FCSK: variants seen among roughly 807,000 people sequenced by gnomAD.
FCSK encodes the protein L-fucose kinase.
Under a neutral mutation model 122.5 loss-of-function variants are expected in FCSK, and 123 were observed. The ratio of observed to expected loss-of-function variants is 1.00; its 90% CI spans 0.87 to 1.17. The LOEUF is 1.17. Among genes scored for constraint, FCSK ranks in the 50% most tolerant of loss-of-function variants. The pLI, the probability that FCSK is intolerant of heterozygous loss-of-function variation, is 0.00. For synonymous variants in FCSK, 620 were observed against 625.5 expected, an observed-to-expected ratio of 0.99 and a Z score of 0.13; for missense variants, 1,366 against 1,450.4, an observed-to-expected ratio of 0.94 and a Z score of 0.95.
intron 1 of FCSK, among the ~76,000 whole-genome samples, chr16:70,457,752 G>A (rs62049035): frequency 0.038 from 5,585 of 145,464 alleles, 152 homozygotes; most frequent in Non-Finnish European, 0.059. Context: ...TTTTGTATGT[G>A]TGTGGTTTTT....
In FCSK at chr16:70,479,803, C is replaced by G; in HGVS notation, c.*123C>G. On this transcript the variant is annotated 3_prime_UTR_variant, in exon 24 of 24. Coordinates refer to ENST00000288078, the MANE Select transcript of FCSK (RefSeq NM_145059.3). Reference sequence around the variant, plus strand: ...TCTGCGAATCTGCTCCCAAAGGAAGCTGACCAGAGCAAGATCTGGGCAAGC... The same window carrying G: ...TCTGCGAATCTGCTCCCAAAGGAAGGTGACCAGAGCAAGATCTGGGCAAGC... 1.4e-6 allele frequency: 1 copy of G among 697,110 alleles called. No individual in the cohort carries two copies. The highest frequency in any genetic ancestry group is 2.4e-6 in the Non-Finnish European group (1 of 415,910). The allele number at this position is 697,110 out of a possible 1,614,324, so 43.2% of individuals were successfully genotyped here. A position where few individuals can be genotyped will look rare whatever the true frequency, so the allele number is the denominator to read the frequency against.
In FCSK at chr16:70,468,918, C is replaced by T; in HGVS notation, c.733C>T (p.Leu245=). Reference sequence around the variant, plus strand: ...CCTAGCCACCCACGTGAGCCCGCCCCTGGATGCCTGCACCTACCTAGGCTT... The same window carrying T: ...CCTAGCCACCCACGTGAGCCCGCCCTTGGATGCCTGCACCTACCTAGGCTT... ...RLLATHVSPP[L]DACTYLGLDS... The change falls in exon 9 of 24, where the codon CTG becomes TTG. Residue 245 remains leucine, a synonymous_variant. Transcript: ENST00000288078. The T allele has an allele frequency of 6.2e-7, 1 of 1,614,030 alleles. No individual in the cohort carries two copies. The highest frequency in any genetic ancestry group is 8.5e-7 in the Non-Finnish European group (1 of 1,180,024).
Position 70,474,868 on chromosome 16 carries a change from G to A in FCSK, c.2234G>A (p.Arg745His), listed in dbSNP as rs200256917. Residue 745 changes from arginine (R) to histidine (H), a missense_variant, in exon 18 of 24, where the codon CGC becomes CAC. Transcript: ENST00000288078. ...VLGLAVRVDG[R>H]RPIGARARRI... ...GGCCTGGCTGTGCGAGTGGACGGCC[G>A]CCGGCCCATCGGAGCCAGGGCACGC... The A allele has an allele frequency of 9.5e-4, 1,512 of 1,598,762 alleles. 2 individuals carry two copies. The highest frequency in any genetic ancestry group is 1.2e-3 in the Non-Finnish European group (1,419 of 1,174,334).
chr16:70,475,833 G>C (rs2048794508), intron 20 of FCSK, 66 bp downstream of exon 20: 1 of 1,442,408 alleles, frequency 6.9e-7, no homozygotes. Context: ...GGGGGGAGTG[G>C]GGCTCCCCTG....
Position 70,473,251 on chromosome 16 carries a change from C to G in FCSK, c.1675C>G (p.Arg559Gly), listed in dbSNP as rs567507852. Residue 559 changes from arginine (R) to glycine (G), a missense_variant, in exon 15 of 24, where the codon CGG becomes GGG. Transcript: ENST00000288078. This position sits in a 1 kb window ranked among gnomAD's most constrained non-coding sequence, Gnocchi z 4.9. ...CTTCCGCCAGGCCCTGCATAAGGCG[C>G]GGCACGTGCTGGAGGCCCGGCAGGA... ...LFFRQALHKA[R>G]HVLEARQDLS... The G allele has an allele frequency of 5.9e-6, 9 of 1,533,008 alleles. No individual in the cohort carries two copies. The highest frequency in any genetic ancestry group is 7.0e-6 in the Non-Finnish European group (8 of 1,144,184). 95.0% of individuals were successfully genotyped at this position (1,533,008 alleles called of 1,614,324 possible).
At position 70,473,316 on chromosome 16, in the gene FCSK, G is replaced by A. The variant is rs1284520075; in HGVS notation, c.1740G>A (p.Glu580=). Residue 580 remains glutamate, a synonymous_variant, in exon 15 of 24, where the codon GAG becomes GAA. Coordinates refer to ENST00000288078, the MANE Select transcript of FCSK (RefSeq NM_145059.3). This position sits in a 1 kb window ranked among gnomAD's most constrained non-coding sequence, Gnocchi z 4.9. Reference sequence around the variant, plus strand: ...CGCTGATCTGGGCTGCTGTCCGCGAGGGCTGCCCCGGGCCCCTGCTGGCCA... The same window carrying A: ...CGCTGATCTGGGCTGCTGTCCGCGAAGGCTGCCCCGGGCCCCTGCTGGCCA... ...LRPLIWAAVR[E]GCPGPLLATL... is the part of the protein sequence containing the mutation. The A allele has an allele frequency of 6.6e-7, 1 of 1,516,146 alleles. No individual in the cohort carries two copies. Among genetic ancestry groups the A allele is most frequent in the Admixed American group, 2.0e-5 (1 of 49,114 alleles). 93.9% of individuals were successfully genotyped at this position (1,516,146 alleles called of 1,614,324 possible). A position where few individuals can be genotyped will look rare whatever the true frequency, so the allele number is the denominator to read the frequency against.
At chr16:70,466,810 C>T (rs1008470929) in intron 5 of FCSK, 72 bp from the exon 6 acceptor site, 3 of 1,394,064 alleles carry the variant, frequency 2.2e-6, no homozygotes, top group African/African-American at 2.8e-5. Context: ...AGCACAGTAT[C>T]CTTGGGCAAG....
intron 6 of FCSK, 186 bp downstream of exon 6, chr16:70,467,140 C>T (rs1331997759): frequency 1.5e-6 from 1 of 665,594 alleles, no homozygotes; most frequent in Non-Finnish European, 2.7e-6. Context: ...GTCTGTCTGT[C>T]TATAGGATGG....
intron 5 of FCSK, chr16:70,466,468 G>C: frequency 3.4e-6 from 2 of 580,140 alleles, no homozygotes; most frequent in Admixed American, 3.2e-5. Flanking sequence ...CAAAGTGGGA[G>C]GATCGCTTGA....
chr16:70,466,691 T>C (rs543612548), intron 5 of FCSK, 191 bp from the exon 6 acceptor site: 152 of 592,522 alleles, frequency 2.6e-4, no homozygotes, highest in African/African-American at 2.5e-3. Context: ...TGAGACCCTG[T>C]CGCAATAACA....
rs113497209 is a variant in FCSK, at chr16:70,469,192, A to G, written c.824A>G (p.Asn275Ser). ...FFDILHCMAE[N>S]VTREDFLVGR... The stretch of plus-strand genomic sequence containing the variant: ...GACATTCTCCACTGCATGGCTGAGA[A>G]CGTGACCAGGGAGGACTTCCTGGTG... The change falls in exon 10 of 24, where the codon AAC becomes AGC. Residue 275 changes from asparagine (N) to serine (S), a missense_variant. Transcript: ENST00000288078. 0.012 allele frequency: 18,591 copies of G among 1,614,102 alleles called. 154 individuals are homozygous for G. The highest frequency in any genetic ancestry group is 0.014 in the Non-Finnish European group (16,623 of 1,179,980).
Position 70,467,339 on chromosome 16 carries a change from G to T in FCSK, c.485-35G>T, listed in dbSNP as rs376738855. 112 of 1,481,232 alleles carry T rather than the reference G, an allele frequency of 7.6e-5. No homozygotes were observed. In the African/African-American group the frequency reaches 1.3e-3, roughly 17 times the overall value. The allele number at this position is 1,481,232 out of a possible 1,614,324, so 91.8% of individuals were successfully genotyped here. ...GGGGAAATCCGTGCCTTGGGTGGAG[G>T]CCCCTGGGAGCCTCCTGACTGCCCC... On this transcript the variant is annotated intron_variant, in intron 6 of 23. Coordinates refer to ENST00000288078, the MANE Select transcript of FCSK (RefSeq NM_145059.3).
rs373019623 is a variant in FCSK at position 70,454,631 on chromosome 16, G to A, written c.-23+1G>A. On this transcript the variant is annotated splice_donor_variant, in intron 1 of 23. Coordinates refer to ENST00000288078, the MANE Select transcript of FCSK (RefSeq NM_145059.3). LOFTEE classifies it low-confidence loss of function (5UTR_SPLICE). The stretch of plus-strand genomic sequence containing the variant: ...TCCGCCGAGCGCCGGGCGACGGCAG[G>A]TACGTCAGTCCGCGAGGGTCGCCGC... The A allele has an allele frequency of 6.6e-6, 1 of 152,204 alleles. No homozygotes were observed. Among genetic ancestry groups the A allele is most frequent in the South Asian group, 2.1e-4 (1 of 4,834 alleles). 9.4% of individuals were successfully genotyped at this position (152,204 alleles called of 1,614,324 possible). A position where few individuals can be genotyped will look rare whatever the true frequency, so the allele number is the denominator to read the frequency against.
At position 70,471,235 on chromosome 16, in the gene FCSK, C is replaced by A. The variant is rs1008269710; in HGVS notation, c.1224C>A (p.His408Gln). 1.6e-5 allele frequency: 25 copies of A among 1,611,030 alleles called. No individual in the cohort carries two copies. The highest frequency in any genetic ancestry group is 2.0e-5 in the Non-Finnish European group (24 of 1,179,376). ...TGGTGACTGGCCTGGATACAGCCCA[C>A]TCCAAGGCCCTGCATGGCCGGGAGC... ...GCLVTGLDTA[H>Q]SKALHGRELR... is the part of the protein sequence containing the mutation. The change falls in exon 13 of 24, where the codon CAC (histidine) becomes CAA (glutamine). Residue 408 changes from histidine (H) to glutamine (Q), a missense_variant. By Grantham distance (24) the His-to-Gln change is conservative. Transcript: ENST00000288078.
rs370345204 is a variant in FCSK at position 70,478,559 on chromosome 16, G to C, written c.2838G>C (p.Leu946=). The change falls in exon 22 of 24, where the codon CTG becomes CTC. Residue 946 remains leucine (L), a synonymous_variant. Coordinates refer to ENST00000288078, the MANE Select transcript of FCSK (RefSeq NM_145059.3). ...TCCTGCCCCGTCCGCAGGATGTGCT[G>C]AGGAGCTGGTATGCCCGACTTCCTG... is the stretch of plus-strand genomic sequence containing the variant. ...RLARNLLQDV[L]RSWYARLPAV... is the part of the protein sequence containing the mutation. The C allele has an allele frequency of 7.4e-6, 12 of 1,613,646 alleles. No homozygotes were observed. The highest frequency in any genetic ancestry group is 1.3e-5 in the African/African-American group (1 of 74,944).
intron 1 of FCSK, among the ~76,000 whole-genome samples, chr16:70,461,807 C>G (rs1436372712): frequency 6.6e-6 from 1 of 152,208 alleles, no homozygotes; most frequent in Non-Finnish European, 1.5e-5. Context: ...CTGGGGAAAT[C>G]ACACCCATCC....
At chr16:70,471,770 A>T (rs2048628883) in intron 13 of FCSK, among the ~76,000 whole-genome samples, 1 of 148,556 alleles carries the variant, frequency 6.7e-6, no homozygotes, top group Admixed American at 6.7e-5. Flanking sequence ...AGCTTAGTAG[A>T]GATGGGGTTT....
rs918111893 is a variant in FCSK at position 70,462,273 on chromosome 16, A to G, written c.-22-896A>G. On this transcript the variant is annotated intron_variant, in intron 1 of 23. Transcript: ENST00000288078. ...AGCAGTCCTCCCACCTTGGTCTTCC[A>G]AAGTGCTGGGATTATAGACGTGAGC... The G allele has an allele frequency of 2.0e-5, 3 of 151,352 alleles. No individual in the cohort carries two copies. The South Asian group carries it at 6.1e-4, about 31-fold the overall frequency. The allele number at this position is 151,352 out of a possible 1,614,324, so 9.4% of individuals were successfully genotyped here.
In FCSK at chr16:70,469,237, G is replaced by C. The variant is rs747278989; in HGVS notation, c.869G>C (p.Gly290Ala). The change falls in exon 10 of 24, where the codon GGG (glycine) becomes GCG (alanine). Residue 290 changes from glycine to alanine, a missense_variant. Transcript: ENST00000288078. Reference sequence around the variant, plus strand: ...CTGGTGGGGAGGCCCCCAGAGTTGGGGCAAGGCGATGCAGATGTAGCGGGT... The same window carrying C: ...CTGGTGGGGAGGCCCCCAGAGTTGGCGCAAGGCGATGCAGATGTAGCGGGT... The part of the protein sequence containing the change: ...DFLVGRPPEL[G>A]QGDADVAGYL... The C allele has an allele frequency of 9.3e-6, 15 of 1,614,042 alleles. No individual in the cohort carries two copies. The highest frequency in any genetic ancestry group is 1.3e-5 in the Non-Finnish European group (15 of 1,180,018).
Sources: allele counts gnomAD v4.1 joint callset (sites outside exome capture counted in the v4.1 genomes callset), GRCh38; gene constraint gnomAD v4.1.1; non-coding constraint Gnocchi (gnomAD v3.1); transcripts MANE v1.5; gene names NCBI Gene and HGNC (gene_info 2026-07-23, HGNC 2026-07-21).